The following NXNL2 variants were observed in gnomAD, a reference collection of about 807,000 sequenced individuals.
The protein encoded by NXNL2 is nucleoredoxin-like protein 2.
A neutral mutation model predicts 11.1 loss-of-function variants in NXNL2; 7 were observed. The ratio of observed to expected loss-of-function variants is 0.63; its 90% CI spans 0.36 to 1.18. The LOEUF is 1.18. NXNL2 is among the 50% of genes most tolerant of loss of function. NXNL2 has a pLI of 0.02. For synonymous variants in NXNL2, 109 were observed against 101.8 expected (o/e 1.07, Z -0.42); for missense variants, 233 against 217.7 (o/e 1.07, Z -0.44).
At chr9:88,578,200 G>C (rs1830368638), downstream of NXNL2, among the ~76,000 whole-genome samples, 1 of 152,226 alleles carries the variant, frequency 6.6e-6, no homozygotes, top group African/African-American at 2.4e-5. Flanking sequence ...CAAAATAACT[G>C]GACGCAGGAT....
chr9:88,548,339 CAAAAAAAAAAAAAAAAAAAA>C (rs60796870), downstream of NXNL2, among the ~76,000 whole-genome samples: 13 of 31,066 alleles, frequency 4.2e-4, no homozygotes, highest in Middle Eastern at 0.033. Flanking sequence ...GACTTTTTCT[CAAAAAAAAAAAAAAAAAAAA>C]AAAAAAAAAA....
chr9:88,548,339 CAAAAAAAAAAAAA>C (rs60796870), downstream of NXNL2, among the ~76,000 whole-genome samples: 8 of 31,068 alleles, frequency 2.6e-4, no homozygotes, highest in African/African-American at 7.3e-4. Flanking sequence ...GACTTTTTCT[CAAAAAAAAAAAAA>C]AAAAAAAAAA....
chr9:88,574,808 G>A (rs531678243), intron 2 of NXNL2, among the ~76,000 whole-genome samples: 5 of 152,270 alleles, frequency 3.3e-5, no homozygotes, highest in South Asian at 4.2e-4. Flanking sequence ...GGATTTTTGC[G>A]AAGACTGGAA....
intron 1 of NXNL2, among the ~76,000 whole-genome samples, chr9:88,552,670 C>T (rs563539562): frequency 1.3e-5 from 2 of 152,002 alleles, no homozygotes; most frequent in African/African-American, 2.4e-5. Flanking sequence ...GGGATTTCAC[C>T]GTGTTAGCCA....
intron 1 of NXNL2, among the ~76,000 whole-genome samples, chr9:88,563,273 CT>C (rs1830112225): frequency 6.6e-6 from 1 of 152,208 alleles, no homozygotes; most frequent in Admixed American, 6.5e-5. Flanking sequence ...CGTGTGTGCA[CT>C]TGGCGACTTT....
intron 1 of NXNL2, among the ~76,000 whole-genome samples, chr9:88,570,441 A>T (rs1180015683): frequency 2.0e-5 from 3 of 152,010 alleles, no homozygotes; most frequent in Non-Finnish European, 4.4e-5. Context: ...TTTAATTTTC[A>T]AAGATGTACT....
intron 1 of NXNL2, among the ~76,000 whole-genome samples, chr9:88,540,784 C>A (rs1180273198): frequency 1.4e-5 from 2 of 142,860 alleles, no homozygotes. Context: ...CCTGTCCTGG[C>A]AGGGGTCATG....
At chr9:88,549,347 C>G (rs1218189974), downstream of NXNL2, among the ~76,000 whole-genome samples, 2 of 152,174 alleles carry the variant, frequency 1.3e-5, no homozygotes, top group Non-Finnish European at 2.9e-5. Context: ...TTGAGTTTCT[C>G]TTTCTTGTCA....
At chr9:88,568,973 C>G (rs1830220023) in intron 1 of NXNL2, among the ~76,000 whole-genome samples, 1 of 152,076 alleles carries the variant, frequency 6.6e-6, no homozygotes, top group Non-Finnish European at 1.5e-5. Context: ...CTCACCCAGG[C>G]TGGAGTACAG....
chr9:88,579,181 A>G (rs1345711249), downstream of NXNL2, among the ~76,000 whole-genome samples: 1 of 152,150 alleles, frequency 6.6e-6, no homozygotes, highest in Non-Finnish European at 1.5e-5. Context: ...GCCTTTCATA[A>G]CCCGAGACTC....
At chr9:88,543,716 A>C (rs930856586) in intron 1 of NXNL2, among the ~76,000 whole-genome samples, 2 of 152,378 alleles carry the variant, frequency 1.3e-5, no homozygotes, top group Non-Finnish European at 1.5e-5. Context: ...TTAAATTTAA[A>C]TTAAAAGTTA....
At chr9:88,581,145 G>A (rs757511409) in intron 1 of NXNL2, among the ~76,000 whole-genome samples, 1 of 152,114 alleles carries the variant, frequency 6.6e-6, no homozygotes, top group African/African-American at 2.4e-5. Flanking sequence ...TCTCCATACC[G>A]GCCTTTTCAT....
chr9:88,543,431 T>A (rs935393754), intron 1 of NXNL2, among the ~76,000 whole-genome samples: 4 of 152,114 alleles, frequency 2.6e-5, no homozygotes, highest in African/African-American at 7.2e-5. Flanking sequence ...CACGCCTAGC[T>A]AATTTTTTAA....
chr9:88,538,085 T>C (rs1424517996), intron 1 of NXNL2, among the ~76,000 whole-genome samples: 1 of 152,180 alleles, frequency 6.6e-6, no homozygotes, highest in Non-Finnish European at 1.5e-5. Context: ...AGCAAGTTCT[T>C]TTCTCTGTGG....
rs1343062413 is a variant in NXNL2 at position 88,582,658 on chromosome 9, C to CTCTTTCTTTCTTTCT, written n.552-1328_552-1314dup. ...TCCTCCCCTCCCTCCCTCCCTCTCT[C>CTCTTTCTTTCTTTCT]TCTTTCTTTCTTTCTTCTTTCTTTC... On this transcript the variant is annotated intron_variant and non_coding_transcript_variant, in intron 1 of 1. Coordinates refer to the NXNL2 transcript ENST00000478686. Among the ~76,000 whole-genome samples the CTCTTTCTTTCTTTCT allele has an allele frequency of 5.9e-5, 8 of 136,392 alleles. No individual in the cohort carries two copies. The East Asian group carries it at 2.1e-3, about 36-fold the overall frequency. The allele number at this position is 136,392 out of a possible 152,430, so 89.5% of individuals were successfully genotyped here. A position where few individuals can be genotyped will look rare whatever the true frequency, so the allele number is the denominator to read the frequency against.
At chr9:88,555,818 C>T (rs772235236) in intron 1 of NXNL2, among the ~76,000 whole-genome samples, 2 of 152,090 alleles carry the variant, frequency 1.3e-5, no homozygotes, top group Non-Finnish European at 2.9e-5. Flanking sequence ...GATCCTTCAC[C>T]TTCTGTGGGC....
At chr9:88,579,335 C>T (rs999451314), downstream of NXNL2, among the ~76,000 whole-genome samples, 2 of 152,200 alleles carry the variant, frequency 1.3e-5, no homozygotes, top group Non-Finnish European at 2.9e-5. Flanking sequence ...CTTCTAGTTA[C>T]AGGACCCACG....
chr9:88,535,741 G>A lies in NXNL2; in HGVS notation c.302+5G>A. On this transcript the variant is annotated splice_donor_5th_base_variant and intron_variant, in intron 1 of 1. Transcript: ENST00000375854. ...CTTCCACGACCCCTACCGGCAGTGA[G>A]TGGGGGTCCTGGGGGGGCGGGGGCC... The A allele has an allele frequency of 1.3e-6, 2 of 1,555,546 alleles. No homozygotes were observed. The highest frequency in any genetic ancestry group is 1.7e-6 in the Non-Finnish European group (2 of 1,159,766).
At chr9:88,544,086 G>A (rs1434454404) in intron 1 of NXNL2, among the ~76,000 whole-genome samples, 2 of 152,188 alleles carry the variant, frequency 1.3e-5, no homozygotes, top group Non-Finnish European at 2.9e-5. Context: ...CAGGAGAATC[G>A]CTTGAACGTG....
Sources: gnomAD v4.1 joint callset for allele counts (sites outside exome capture counted in the v4.1 genomes callset) on GRCh38, gnomAD v4.1.1 for gene constraint, MANE v1.5 for transcripts, NCBI Gene and HGNC (gene_info 2026-07-23, HGNC 2026-07-21) for gene names.